Variants in CEP83 observed in about 807,000 individuals in gnomAD.
CEP83 encodes the protein centrosomal protein of 83 kDa.
CEP83 carries 70 observed loss-of-function variants against 101.9 expected under a neutral mutation model. The ratio of observed to expected loss-of-function variants is 0.69; its 90% CI spans 0.57 to 0.84. CEP83 has a LOEUF of 0.84. CEP83 is among the 40% of genes least tolerant of loss of function. CEP83 has a pLI of 0.00. For synonymous variants in CEP83, 264 were observed against 267.9 expected (o/e 0.99, Z 0.14); for missense variants, 715 against 787.2 (o/e 0.91, Z 1.10).
At chr12:94,288,823 G>A in the CEP83 span, among the ~76,000 whole-genome samples, 30 of 152,340 alleles carry the variant, frequency 2.0e-4, no homozygotes, top group Admixed American at 9.8e-4. Context: ...ATAGAATTCT[G>A]TTTTCACGTA....
intron 8 of CEP83, among the ~76,000 whole-genome samples, chr12:94,372,266 C>T (rs1311801641): frequency 1.3e-5 from 2 of 152,166 alleles, no homozygotes; most frequent in African/African-American, 2.4e-5. Flanking sequence ...AGCCACCACA[C>T]CTGGCCTGTG....
intron 11 of CEP83, among the ~76,000 whole-genome samples, chr12:94,346,599 G>A (rs868085294): frequency 6.6e-6 from 1 of 152,192 alleles, no homozygotes; most frequent in Non-Finnish European, 1.5e-5. Flanking sequence ...AGTCCTGAAA[G>A]TGAGACTGGT....
At chr12:94,357,906 T>C (rs1473332147) in intron 11 of CEP83, among the ~76,000 whole-genome samples, 1 of 152,126 alleles carries the variant, frequency 6.6e-6, no homozygotes, top group African/African-American at 2.4e-5. Flanking sequence ...AAAGTGAAAT[T>C]AAACGAACAG....
the CEP83 span, among the ~76,000 whole-genome samples, chr12:94,278,997 C>CAA: frequency 0.45 from 66,368 of 149,138 alleles, 14,756 homozygotes; most frequent in South Asian, 0.54. Flanking sequence ...GACTCCATCT[C>CAA]AAAAAAAAAA....
chr12:94,319,006 T>C (rs1045320701), intron 14 of CEP83, among the ~76,000 whole-genome samples: 1 of 152,136 alleles, frequency 6.6e-6, no homozygotes, highest in African/African-American at 2.4e-5. Context: ...CTTTGAACAT[T>C]TGGTAGCATG....
At position 94,422,929 on chromosome 12, in the gene CEP83, G is replaced by A. The variant is rs569518080; in HGVS notation, c.-101-10338C>T. The stretch of plus-strand genomic sequence containing the variant: ...AATATTCTTGTACAAGACTTTCTGT[G>A]GACACATTTTCAGTTTGGGGGTGGG... On this transcript the variant is annotated intron_variant, in intron 2 of 16. Transcript: ENST00000397809. Among the ~76,000 whole-genome samples the A allele has an allele frequency of 1.2e-4, 19 of 152,166 alleles. No homozygotes were observed. In the South Asian group the frequency reaches 3.1e-3, roughly 25 times the overall value.
At chr12:94,294,420 T>A in the CEP83 span, 1 of 699,776 alleles carries the variant, frequency 1.4e-6, no homozygotes, top group Non-Finnish European at 2.6e-6. Context: ...GCCATCTAAT[T>A]CCTGGGTGAA....
the CEP83 span, among the ~76,000 whole-genome samples, chr12:94,268,570 G>T: frequency 6.9e-6 from 1 of 144,172 alleles, no homozygotes; most frequent in African/African-American, 2.6e-5. Flanking sequence ...AGATCAGACA[G>T]CTGGAAGAGA....
At chr12:94,321,186 T>C (rs978746318) in intron 14 of CEP83, among the ~76,000 whole-genome samples, 1 of 152,214 alleles carries the variant, frequency 6.6e-6, no homozygotes, top group Middle Eastern at 3.2e-3. Context: ...TGTGATTGCA[T>C]TGTGACATTC....
Position 94,430,147 on chromosome 12 carries a change from T to A in CEP83, c.-102+5128A>T, listed in dbSNP as rs149319426. On this transcript the variant is annotated intron_variant, in intron 2 of 16. Transcript: ENST00000397809. ...TGGAGATCACACAACTCAGCCACCA[T>A]TGGCAACTAAGGACTCTTCCCAGGA... is the stretch of plus-strand genomic sequence containing the variant. Among the ~76,000 whole-genome samples the A allele has an allele frequency of 2.0e-5, 3 of 152,150 alleles. No individual in the cohort carries two copies. In the East Asian group the frequency reaches 5.8e-4, roughly 29 times the overall value.
intron 6 of CEP83, among the ~76,000 whole-genome samples, chr12:94,385,231 T>C (rs2062070989): frequency 6.6e-6 from 1 of 152,164 alleles, no homozygotes; most frequent in Non-Finnish European, 1.5e-5. Context: ...ATGGGAAGCG[T>C]AGGAGTAATT....
chr12:94,313,269 C>T (rs1970145575), intron 14 of CEP83: 2 of 224,758 alleles, frequency 8.9e-6, no homozygotes, highest in African/African-American at 4.7e-5. Flanking sequence ...ATAATTGCTG[C>T]AAAAAAAAAA....
At chr12:94,296,338 T>G in the CEP83 span, among the ~76,000 whole-genome samples, 2 of 152,150 alleles carry the variant, frequency 1.3e-5, no homozygotes, top group Non-Finnish European at 2.9e-5. Context: ...TCTTTAAAAT[T>G]TTTTGTAGAA....
the CEP83 span, among the ~76,000 whole-genome samples, chr12:94,300,225 G>T: frequency 6.6e-6 from 1 of 152,224 alleles, no homozygotes; most frequent in South Asian, 2.1e-4. Context: ...GATGATGAGT[G>T]CAGTGGAGAA....
chr12:94,354,843 G>A (rs879779925), intron 11 of CEP83, among the ~76,000 whole-genome samples: 6 of 151,856 alleles, frequency 4.0e-5, no homozygotes, highest in Non-Finnish European at 8.8e-5. Context: ...AACCCTGTCT[G>A]TACTAAAAAT....
At chr12:94,366,703 A>C (rs2061043839) in intron 11 of CEP83, among the ~76,000 whole-genome samples, 2 of 152,328 alleles carry the variant, frequency 1.3e-5, no homozygotes, top group South Asian at 4.1e-4. Context: ...CTCTAGTACC[A>C]ATAAGCATAC....
chr12:94,343,006 A>T (rs535375577), intron 11 of CEP83, among the ~76,000 whole-genome samples: 59 of 152,136 alleles, frequency 3.9e-4, no homozygotes, highest in Non-Finnish European at 7.2e-4. Flanking sequence ...TGGACAAAAA[A>T]TAAGCAAGTA....
At chr12:94,312,757 G>C (rs1236317997) in intron 15 of CEP83, 157 bp downstream of exon 15, 1 of 982,426 alleles carries the variant, frequency 1.0e-6, no homozygotes, top group Non-Finnish European at 1.2e-6. Flanking sequence ...ATTCAGTTAG[G>C]GGGTAAAAAA....
At chr12:94,303,960 A>G (rs1968744843), downstream of CEP83, 2 of 1,607,216 alleles carry the variant, frequency 1.2e-6, no homozygotes. Flanking sequence ...GAATCTCTCA[A>G]CAAGTCTTTC....
Sources: allele counts gnomAD v4.1 joint callset (sites outside exome capture counted in the v4.1 genomes callset), GRCh38; gene constraint gnomAD v4.1.1; transcripts MANE v1.5; gene names NCBI Gene and HGNC (gene_info 2026-07-23, HGNC 2026-07-21).